Variants in ATP6V0A4 observed in about 807,000 individuals in gnomAD.
ATP6V0A4 encodes V-type proton ATPase 116 kDa subunit a 4.
Under a neutral mutation model 107.3 loss-of-function variants are expected in ATP6V0A4, and 86 were observed. The ratio of observed to expected loss-of-function variants is 0.80; its 90% CI spans 0.67 to 0.96. The LOEUF (loss-of-function observed/expected upper bound fraction) is 0.96. Among genes scored for constraint, ATP6V0A4 ranks in the 40% least tolerant of loss-of-function variants. ATP6V0A4 has a pLI of 0.00. For missense variants in ATP6V0A4, 908 were observed against 1,045.6 expected, an observed-to-expected ratio of 0.87 and a Z score of 1.81; for synonymous variants, 353 against 381.4, an observed-to-expected ratio of 0.93 and a Z score of 0.87.
intron 21 of ATP6V0A4, among the ~76,000 whole-genome samples, chr7:138,708,015 TA>T (rs1282254026): frequency 4.8e-4 from 71 of 147,124 alleles, no homozygotes; most frequent in African/African-American, 1.8e-3. Flanking sequence ...ATTTATGTTT[TA>T]TTTTATTTAT....
At chr7:138,789,221 GGTT>G (rs371438404) in intron 1 of ATP6V0A4, among the ~76,000 whole-genome samples, 21 of 139,072 alleles carry the variant, frequency 1.5e-4, no homozygotes, top group African/African-American at 4.8e-4. Context: ...TTTTTTGGGG[GGTT>G]TTTTTTTGTT....
At chr7:138,744,678 G>C (rs887412870) in intron 14 of ATP6V0A4, among the ~76,000 whole-genome samples, 1 of 150,978 alleles carries the variant, frequency 6.6e-6, no homozygotes, top group African/African-American at 2.4e-5. Flanking sequence ...GACTAAAGGC[G>C]TGCCAACACA....
In ATP6V0A4 at chr7:138,762,688, C is replaced by T. The variant is rs576188337; in HGVS notation, c.417+212G>A. Among the ~76,000 whole-genome samples the T allele has an allele frequency of 5.9e-5, 9 of 152,280 alleles. No individual in the cohort carries two copies. In the South Asian group the frequency reaches 1.0e-3, roughly 18 times the overall value. On this transcript the variant is annotated intron_variant, in intron 6 of 21. Coordinates refer to ENST00000310018, the MANE Select transcript of ATP6V0A4 (RefSeq NM_020632.3). The stretch of plus-strand genomic sequence containing the variant: ...CTTTCTGCCTGAGCCATTTTCAGCA[C>T]ATACATTTTACTGAGCACCATAATA...
intron 2 of ATP6V0A4, among the ~76,000 whole-genome samples, chr7:138,780,390 C>T (rs1807863960): frequency 6.6e-6 from 1 of 152,138 alleles, no homozygotes; most frequent in Admixed American, 6.5e-5. Flanking sequence ...GAGGTGGAGG[C>T]TCAGGTGGAA....
chr7:138,737,115 A>ATATATAT (rs540225443), intron 15 of ATP6V0A4, among the ~76,000 whole-genome samples: 1,300 of 86,488 alleles, frequency 0.015, 212 homozygotes, highest in Non-Finnish European at 0.018. Context: ...AGCCCTTATT[A>ATATATAT]ATATATATAT....
intron 1 of ATP6V0A4, among the ~76,000 whole-genome samples, chr7:138,786,527 G>A (rs764335437): frequency 1.1e-4 from 16 of 151,372 alleles, no homozygotes; most frequent in Non-Finnish European, 2.4e-4. Context: ...TGCAGTGAAC[G>A]AAGATTGCAC....
chr7:138,754,477 G>C (rs1806408318), intron 10 of ATP6V0A4, among the ~76,000 whole-genome samples: 1 of 151,126 alleles, frequency 6.6e-6, no homozygotes, highest in East Asian at 1.9e-4. Context: ...ATTAAACACA[G>C]GTTTTCTGGA....
At chr7:138,712,406 C>T (rs1803791951) in intron 20 of ATP6V0A4, among the ~76,000 whole-genome samples, 1 of 150,096 alleles carries the variant, frequency 6.7e-6, no homozygotes, top group Admixed American at 6.6e-5. Context: ...TAGTGCCAAA[C>T]TCTGGCCTAG....
At chr7:138,787,071 G>A (rs1019418599) in intron 1 of ATP6V0A4, among the ~76,000 whole-genome samples, 1 of 152,140 alleles carries the variant, frequency 6.6e-6, no homozygotes, top group Non-Finnish European at 1.5e-5. Context: ...CAGAACTCCA[G>A]GGAGCAGATG....
intron 5 of ATP6V0A4, 59 bp downstream of exon 5, chr7:138,768,721 A>C (rs1202412261): frequency 6.3e-7 from 1 of 1,596,874 alleles, no homozygotes; most frequent in Non-Finnish European, 8.6e-7. Flanking sequence ...CAGGGCCTTC[A>C]AGGAGACAGG....
intron 9 of ATP6V0A4, 74 bp from the exon 10 acceptor site, chr7:138,755,856 G>C: frequency 6.3e-7 from 1 of 1,576,460 alleles, no homozygotes; most frequent in Non-Finnish European, 8.6e-7. Flanking sequence ...TTTCTGCTAA[G>C]ACATCGTTTG....
At chr7:138,765,322 T>TG (rs35567275) in intron 5 of ATP6V0A4, among the ~76,000 whole-genome samples, 1 of 152,102 alleles carries the variant, frequency 6.6e-6, no homozygotes, top group South Asian at 2.1e-4. Context: ...GACACAAAGT[T>TG]GGGGGGAAAA....
intron 2 of ATP6V0A4, among the ~76,000 whole-genome samples, chr7:138,774,597 A>C (rs1418302371): frequency 1.2e-5 from 1 of 85,448 alleles, no homozygotes; most frequent in Non-Finnish European, 2.8e-5. Context: ...AAATAAATAA[A>C]TATATATATC....
Position 138,752,712 on chromosome 7 carries a change from G to A in ATP6V0A4, c.942C>T (p.Ile314=), listed in dbSNP as rs1176707253. Residue 314 remains isoleucine, a synonymous_variant, in exon 11 of 22, where the codon ATC becomes ATT. Transcript: ENST00000310018. The part of the protein sequence containing the change: ...AVYHILNMCN[I]DVTQQCVIAE... ...CGATGACACACTGCTGGGTGACGTC[G>A]ATGTTGCACATGTTCAGGATGTGGT... 6.2e-6 allele frequency: 10 copies of A among 1,614,090 alleles called. No individual in the cohort carries two copies. The highest frequency in any genetic ancestry group is 1.3e-5 in the African/African-American group (1 of 75,058).
intron 11 of ATP6V0A4, among the ~76,000 whole-genome samples, chr7:138,751,795 T>G (rs1188293806): frequency 2.0e-5 from 3 of 152,130 alleles, no homozygotes; most frequent in African/African-American, 4.8e-5. Context: ...GTTATTCATC[T>G]TTCTAGCTAG....
intron 19 of ATP6V0A4, among the ~76,000 whole-genome samples, chr7:138,720,949 C>T (rs912844702): frequency 5.9e-5 from 9 of 152,048 alleles, no homozygotes; most frequent in Admixed American, 1.3e-4. Flanking sequence ...CAAGAGAAAA[C>T]TTTTTAAAAT....
At position 138,768,479 on chromosome 7, in the gene ATP6V0A4, C is replaced by T. The variant is rs188290526; in HGVS notation, c.291+301G>A. ...TTCAGTGGCACCCAGCAGACAAGAC[C>T]ACACTGCCTGTAAGAATCAAACACC... On this transcript the variant is annotated intron_variant, in intron 5 of 21. Transcript: ENST00000310018. 2.0e-3 allele frequency among the ~76,000 whole-genome samples: 297 copies of T among 150,764 alleles called. 1 individual carries two copies. The highest frequency in any genetic ancestry group is 6.8e-3 in the African/African-American group (280 of 41,118).
intron 19 of ATP6V0A4, among the ~76,000 whole-genome samples, chr7:138,718,909 G>T (rs1804292511): frequency 2.0e-5 from 3 of 152,248 alleles, no homozygotes; most frequent in East Asian, 1.9e-4. Flanking sequence ...TCTTGGCCAG[G>T]TGTGGTGGCT....
chr7:138,707,237 T>TAGA (rs1803463942), intron 21 of ATP6V0A4, among the ~76,000 whole-genome samples: 10 of 85,226 alleles, frequency 1.2e-4, no homozygotes, highest in Non-Finnish European at 1.7e-4. Context: ...TTATATAATA[T>TAGA]ATATTATATT....
Sources: gnomAD v4.1 joint callset for allele counts (sites outside exome capture counted in the v4.1 genomes callset) on GRCh38, gnomAD v4.1.1 for gene constraint, MANE v1.5 for transcripts, NCBI Gene and HGNC (gene_info 2026-07-23, HGNC 2026-07-21) for gene names.